Variants in C8orf34 observed in about 807,000 individuals in gnomAD.
C8orf34 encodes uncharacterized protein C8orf34.
Under a neutral mutation model 68.3 loss-of-function variants are expected in C8orf34, and 65 were observed. The ratio of observed to expected loss-of-function variants is 0.95; its 90% CI spans 0.78 to 1.17. The LOEUF (loss-of-function observed/expected upper bound fraction) is 1.17, where lower values mean the gene tolerates loss of function less well. C8orf34 is among the 50% of genes most tolerant of loss of function. The pLI, the probability that C8orf34 is intolerant of heterozygous loss-of-function variation, is 0.00. For missense variants in C8orf34, 664 were observed against 655.4 expected (o/e 1.01, Z -0.14); for synonymous variants, 244 against 241.2 (o/e 1.01, Z -0.11).
At position 68,592,134 on chromosome 8, in the gene C8orf34, A is replaced by G. The variant is rs543451938; in HGVS notation, c.1106-48242A>G. On this transcript the variant is annotated intron_variant, in intron 7 of 13. Coordinates refer to ENST00000518698, the MANE Select transcript of C8orf34 (RefSeq NM_052958.4). ...TAACATTGGTCCCTGCAATGTCTCC[A>G]TTTATTTTATAGAGATATTTTTTCT... 1.2e-4 allele frequency among the ~76,000 whole-genome samples: 19 copies of G among 152,194 alleles called. 1 individual carries two copies. In the South Asian group the frequency reaches 3.7e-3, roughly 30 times the overall value.
intron 10 of C8orf34, among the ~76,000 whole-genome samples, chr8:68,748,990 A>G (rs991419395): frequency 9.2e-5 from 14 of 152,112 alleles, no homozygotes; most frequent in Admixed American, 9.2e-4. Flanking sequence ...ACCAACCCAA[A>G]TGTCCAACAA....
chr8:68,403,912 C>T (rs918083637), intron 1 of C8orf34, among the ~76,000 whole-genome samples: 2 of 152,152 alleles, frequency 1.3e-5, no homozygotes, highest in African/African-American at 4.8e-5. Flanking sequence ...AATGGGATTA[C>T]TGGGTCAAAT....
intron 8 of C8orf34, among the ~76,000 whole-genome samples, chr8:68,696,050 C>A (rs1453990058): frequency 6.6e-6 from 1 of 151,632 alleles, no homozygotes; most frequent in Non-Finnish European, 1.5e-5. Context: ...GCCTGTATTC[C>A]CAGCTACCAA....
intron 7 of C8orf34, chr8:68,533,865 G>C (rs1327935717): frequency 2.1e-6 from 2 of 970,176 alleles, no homozygotes; most frequent in African/African-American, 3.5e-5. Context: ...ATAAAACAAT[G>C]AGTTTTGAAG....
chr8:68,497,745 G>T (rs964369899), intron 5 of C8orf34, among the ~76,000 whole-genome samples: 2 of 152,006 alleles, frequency 1.3e-5, no homozygotes, highest in South Asian at 4.1e-4. Flanking sequence ...AATGAAAAAA[G>T]GAAGGGAGAG....
rs140208912 is a variant in C8orf34, at chr8:68,654,673, A to C, written c.1241+14162A>C. Among the ~76,000 whole-genome samples, 84 of 152,306 alleles carry C rather than the reference A, an allele frequency of 5.5e-4. 1 individual carries two copies. The highest frequency in any genetic ancestry group is 1.8e-3 in the African/African-American group (74 of 41,592). Reference sequence around the variant, plus strand: ...ATTTTCAATTTTATTTGAGCCCTGCATATGAAAGCTTCCTATTCTTCCATG... The same window carrying C: ...ATTTTCAATTTTATTTGAGCCCTGCCTATGAAAGCTTCCTATTCTTCCATG... On this transcript the variant is annotated intron_variant, in intron 8 of 13. Transcript: ENST00000518698.
intron 8 of C8orf34, among the ~76,000 whole-genome samples, chr8:68,666,005 A>T (rs538233699): frequency 6.6e-6 from 1 of 152,328 alleles, no homozygotes; most frequent in East Asian, 1.9e-4. Flanking sequence ...ACATTAGGAA[A>T]ATTAAAAATT....
intron 5 of C8orf34, among the ~76,000 whole-genome samples, chr8:68,513,393 C>T (rs1814363517): frequency 6.6e-6 from 1 of 152,076 alleles, no homozygotes; most frequent in South Asian, 2.1e-4. Flanking sequence ...GATGTCAAAC[C>T]AGAAAGGAAC....
intron 8 of C8orf34, among the ~76,000 whole-genome samples, chr8:68,664,209 A>G (rs1216982826): frequency 6.6e-6 from 1 of 152,152 alleles, no homozygotes; most frequent in Non-Finnish European, 1.5e-5. Context: ...TTGTGTGTGT[A>G]CACTCCTTGT....
At chr8:68,598,473 G>T (rs1022950471) in intron 7 of C8orf34, among the ~76,000 whole-genome samples, 1 of 152,264 alleles carries the variant, frequency 6.6e-6, no homozygotes, top group Non-Finnish European at 1.5e-5. Context: ...AGTGGGAAGA[G>T]GCCGTGGCAC....
intron 8 of C8orf34, among the ~76,000 whole-genome samples, chr8:68,705,475 C>T (rs907792089): frequency 1.3e-5 from 2 of 152,014 alleles, no homozygotes; most frequent in Non-Finnish European, 2.9e-5. Context: ...GAGGTTAACG[C>T]AAGGTCAAAT....
chr8:68,533,195 T>TA (rs751329709), intron 7 of C8orf34, 46 bp downstream of exon 7: 317 of 1,537,266 alleles, frequency 2.1e-4, no homozygotes, highest in East Asian at 6.5e-4. Context: ...TTTGACATTG[T>TA]AAAAAAAACG....
At chr8:68,533,258 G>T (rs867033980) in intron 7 of C8orf34, 109 bp downstream of exon 7, 19 of 1,428,120 alleles carry the variant, frequency 1.3e-5, no homozygotes, top group Non-Finnish European at 1.7e-5. Context: ...TTAGGGAAAA[G>T]AAACCATTTA....
At chr8:68,800,857 T>A (rs2953967) in intron 12 of C8orf34, among the ~76,000 whole-genome samples, 76,052 of 152,030 alleles carry the variant, frequency 0.5, 21,958 homozygotes, top group African/African-American at 0.81. Flanking sequence ...TTCTACGTTC[T>A]TCGGCTTTTC....
At chr8:68,608,538 C>T (rs756470362) in intron 7 of C8orf34, among the ~76,000 whole-genome samples, 14 of 150,864 alleles carry the variant, frequency 9.3e-5, no homozygotes, top group Admixed American at 1.3e-4. Context: ...GATGTGTGGA[C>T]GGAAATTGGA....
chr8:68,485,562 A>C (rs1047115493), intron 4 of C8orf34, among the ~76,000 whole-genome samples: 6 of 151,896 alleles, frequency 4.0e-5, no homozygotes, highest in Admixed American at 3.3e-4. Context: ...AAATACAAAA[A>C]TTAGCTGGGC....
intron 1 of C8orf34, among the ~76,000 whole-genome samples, chr8:68,343,187 G>T (rs1363773078): frequency 1.3e-5 from 2 of 152,166 alleles, no homozygotes; most frequent in African/African-American, 4.8e-5. Flanking sequence ...GGTCTATACT[G>T]ATGGTAAATA....
intron 1 of C8orf34, among the ~76,000 whole-genome samples, chr8:68,340,044 G>C (rs1806006842): frequency 6.6e-6 from 1 of 152,036 alleles, no homozygotes; most frequent in South Asian, 2.1e-4. Flanking sequence ...AATATCATTA[G>C]GGAAATATAG....
intron 7 of C8orf34, among the ~76,000 whole-genome samples, chr8:68,601,513 A>C (rs1433647503): frequency 1.3e-5 from 2 of 151,994 alleles, no homozygotes; most frequent in Admixed American, 1.3e-4. Flanking sequence ...TGTTGAATCC[A>C]TCCTGTAAGT....
Sources: gnomAD v4.1 joint callset for allele counts (sites outside exome capture counted in the v4.1 genomes callset) on GRCh38, gnomAD v4.1.1 for gene constraint, MANE v1.5 for transcripts, NCBI Gene and HGNC (gene_info 2026-07-23, HGNC 2026-07-21) for gene names.